Variants in TP63 observed in about 807,000 individuals in gnomAD.
TP63 encodes tumor protein 63.
In TP63, 17 loss-of-function variants were observed where a neutral mutation model predicts 82.8. That is an observed-to-expected ratio of 0.21 (90% CI 0.14 to 0.31). The LOEUF is 0.31. TP63 is among the 10% of genes least tolerant of loss of function. The probability of loss-of-function intolerance (pLI) is 1.00; values close to 1 mark genes in which losing one functional copy is unlikely to be tolerated. For missense variants in TP63, 648 were observed against 895.3 expected (o/e 0.72, Z 3.52); for synonymous variants, 330 against 321.7 (o/e 1.03, Z -0.28).
chr3:189,786,012 TTAAAAA>T (rs1724573042), intron 3 of TP63, among the ~76,000 whole-genome samples: 1 of 151,714 alleles, frequency 6.6e-6, no homozygotes, highest in Admixed American at 6.6e-5. Flanking sequence ...AGGGAAAAAA[TTAAAAA>T]TAAAAATACA....
intron 3 of TP63, among the ~76,000 whole-genome samples, chr3:189,763,683 A>C (rs1722744497): frequency 1.3e-5 from 2 of 152,226 alleles, no homozygotes; most frequent in South Asian, 4.1e-4. Flanking sequence ...TGTTTAAGGT[A>C]GTTAGGAAAT....
At chr3:189,661,219 C>A (rs190488802) in intron 1 of TP63, among the ~76,000 whole-genome samples, 14 of 151,938 alleles carry the variant, frequency 9.2e-5, no homozygotes, top group South Asian at 2.1e-4. Flanking sequence ...TGCCGTAGAT[C>A]ACTCTTATTA....
chr3:189,894,121 A>T, intron 13 of TP63, 85 bp from the exon 14 acceptor site: 1 of 1,528,378 alleles, frequency 6.5e-7, no homozygotes, highest in Non-Finnish European at 9.0e-7. Flanking sequence ...AAACCAGAGC[A>T]TCAGGGAATG....
intron 3 of TP63, among the ~76,000 whole-genome samples, chr3:189,757,843 G>T (rs1722300485): frequency 6.6e-6 from 1 of 152,044 alleles, no homozygotes; most frequent in African/African-American, 2.4e-5. Context: ...GTTGCAGCCA[G>T]CACCAGGGAA....
the TP63 span, among the ~76,000 whole-genome samples, chr3:189,596,942 C>T: frequency 6.6e-6 from 1 of 152,072 alleles, no homozygotes; most frequent in Non-Finnish European, 1.5e-5. Context: ...TCCAGACGCA[C>T]CGCCTTAAGA....
intron 5 of TP63, among the ~76,000 whole-genome samples, chr3:189,866,359 G>T (rs1717724748): frequency 6.6e-6 from 1 of 152,006 alleles, no homozygotes; most frequent in East Asian, 1.9e-4. Flanking sequence ...CCAGGAAGCT[G>T]GCAAAATTTC....
intron 1 of TP63, among the ~76,000 whole-genome samples, chr3:189,652,768 C>A (rs1488550818): frequency 6.8e-6 from 1 of 146,428 alleles, no homozygotes; most frequent in Non-Finnish European, 1.5e-5. Flanking sequence ...GAGCAGTTTC[C>A]CCCATCCTGT....
chr3:189,640,478 C>G (rs1711734890), intron 1 of TP63, among the ~76,000 whole-genome samples: 1 of 152,052 alleles, frequency 6.6e-6, no homozygotes, highest in South Asian at 2.1e-4. Context: ...CAAGTTAGTA[C>G]TGCTGCAAAT....
In TP63 at chr3:189,886,538, C is replaced by A; in HGVS notation, c.1494C>A (p.Gly498=). The change falls in exon 11 of 14, where the codon GGC becomes GGA. Residue 498 remains glycine, a synonymous_variant. Transcript: ENST00000264731. ...TCACTCCTACAACCATTCCTGATGG[C>A]ATGGGAGCCAACAGTAAGAGCATCT... ...NALTPTTIPD[G]MGANIPMMGT... 3.7e-6 allele frequency: 6 copies of A among 1,614,080 alleles called. No homozygotes were observed. Among genetic ancestry groups the A allele is most frequent in the Non-Finnish European group, 3.4e-6 (4 of 1,180,000 alleles).
chr3:189,791,152 T>C (rs1385337383), intron 3 of TP63, among the ~76,000 whole-genome samples: 4 of 152,134 alleles, frequency 2.6e-5, no homozygotes. Flanking sequence ...TTGGATCCAA[T>C]TTTGTCCAGT....
At chr3:189,672,664 A>AG (rs1715011497) in intron 1 of TP63, among the ~76,000 whole-genome samples, 1 of 118,756 alleles carries the variant, frequency 8.4e-6, no homozygotes, top group Non-Finnish European at 1.7e-5. Context: ...AAGGAAGGAA[A>AG]GAAGGAAGGA....
At chr3:189,755,063 T>C (rs1488624656) in intron 3 of TP63, among the ~76,000 whole-genome samples, 1 of 152,168 alleles carries the variant, frequency 6.6e-6, no homozygotes, top group East Asian at 1.9e-4. Context: ...CTAATTTAGG[T>C]GCGACCTTTA....
chr3:189,609,831 G>C, the TP63 span, among the ~76,000 whole-genome samples: 2 of 152,244 alleles, frequency 1.3e-5, 1 homozygote, highest in South Asian at 4.1e-4. Context: ...GAATAGTGCT[G>C]CAATGAATGT....
At chr3:189,829,540 G>T (rs1342096636) in intron 4 of TP63, among the ~76,000 whole-genome samples, 1 of 152,160 alleles carries the variant, frequency 6.6e-6, no homozygotes, top group Non-Finnish European at 1.5e-5. Flanking sequence ...ATTTGGAATG[G>T]CTTCTATGAA....
intron 1 of TP63, among the ~76,000 whole-genome samples, chr3:189,684,014 GA>G (rs1227940495): frequency 3.9e-5 from 6 of 152,168 alleles, no homozygotes; most frequent in Non-Finnish European, 8.8e-5. Flanking sequence ...GCAACTGCAG[GA>G]AAGCAGTTGG....
Position 189,872,933 on chromosome 3 carries a change from G to C in TP63, c.1287G>C (p.Gln429His). 1 of 1,614,094 alleles carries C rather than the reference G, an allele frequency of 6.2e-7. No individual in the cohort carries two copies. Among genetic ancestry groups the C allele is most frequent in the Middle Eastern group, 1.6e-4 (1 of 6,062 alleles). Reference sequence around the variant, plus strand: ...TGGAACTCATGCAGTACCTTCCTCAGCACACAATTGAAACGTACAGGCAAC... The same window carrying C: ...TGGAACTCATGCAGTACCTTCCTCACCACACAATTGAAACGTACAGGCAAC... The part of the protein sequence containing the change: ...ESLELMQYLP[Q>H]HTIETYRQQQ... The change falls in exon 10 of 14, where the codon CAG (glutamine) becomes CAC (histidine). Residue 429 changes from glutamine (Q) to histidine (H), a missense_variant. Gln to His is a conservative substitution (Grantham distance 24). Transcript: ENST00000264731.
At chr3:189,716,949 C>T (rs1331332050) in intron 1 of TP63, among the ~76,000 whole-genome samples, 2 of 152,034 alleles carry the variant, frequency 1.3e-5, no homozygotes, top group African/African-American at 2.4e-5. Context: ...CAGGCGATTG[C>T]CACCGCACCC....
chr3:189,782,748 C>G (rs1029562250), intron 3 of TP63, among the ~76,000 whole-genome samples: 1 of 152,006 alleles, frequency 6.6e-6, no homozygotes, highest in Admixed American at 6.6e-5. Flanking sequence ...CTTCTCTTTC[C>G]AAAGTAGACC....
intron 1 of TP63, among the ~76,000 whole-genome samples, chr3:189,706,756 A>T (rs1718232643): frequency 6.6e-6 from 1 of 152,218 alleles, no homozygotes; most frequent in Non-Finnish European, 1.5e-5. Context: ...CAAGGGACAC[A>T]GGTTATCACC....
Sources: allele counts gnomAD v4.1 joint callset (sites outside exome capture counted in the v4.1 genomes callset), GRCh38; gene constraint gnomAD v4.1.1; transcripts MANE v1.5; gene names NCBI Gene and HGNC (gene_info 2026-07-23, HGNC 2026-07-21).